PDZRN3: variants seen among roughly 807,000 people sequenced by gnomAD.
The protein encoded by PDZRN3 is E3 ubiquitin-protein ligase PDZRN3.
A neutral mutation model predicts 85.7 loss-of-function variants in PDZRN3; 38 were observed. The observed-to-expected ratio is 0.44, with a 90% CI of 0.34 to 0.58. The LOEUF is 0.58. Among genes scored for constraint, PDZRN3 ranks in the 20% least tolerant of loss-of-function variants. The pLI is 0.01. For synonymous variants in PDZRN3, 759 were observed against 638.0 expected (o/e 1.19, Z -2.86); for missense variants, 1,629 against 1,506.4 (o/e 1.08, Z -1.35).
At chr3:73,408,143 CTTTT>C (rs1468776590) in intron 3 of PDZRN3, 1 of 703,410 alleles carries the variant, frequency 1.4e-6, no homozygotes, top group Non-Finnish European at 2.6e-6. Context: ...TGACCTCCTC[CTTTT>C]TCACAGCTCA....
intron 1 of PDZRN3, among the ~76,000 whole-genome samples, chr3:73,621,079 C>T (rs1702852755): frequency 1.3e-5 from 2 of 152,232 alleles, no homozygotes; most frequent in African/African-American, 4.8e-5. Flanking sequence ...GAATATCAGG[C>T]CCCTGGCCAG....
At chr3:73,525,313 G>A (rs1704496237) in intron 3 of PDZRN3, among the ~76,000 whole-genome samples, 1 of 152,094 alleles carries the variant, frequency 6.6e-6, no homozygotes, top group Admixed American at 6.5e-5. Flanking sequence ...GTATATATAT[G>A]CAGAGGAATG....
chr3:73,444,925 T>C (rs1455156767), intron 3 of PDZRN3, among the ~76,000 whole-genome samples: 2 of 152,188 alleles, frequency 1.3e-5, no homozygotes, highest in African/African-American at 2.4e-5. Context: ...AGCAGGTACA[T>C]GGGCTGTGGT....
rs76769709 is a variant in PDZRN3 at position 73,600,615 on chromosome 3, G to C, written c.918+1739C>G. Among the ~76,000 whole-genome samples the C allele has an allele frequency of 9.2e-3, 1,394 of 152,150 alleles. 9 individuals are homozygous for C. Among genetic ancestry groups the C allele is most frequent in the Non-Finnish European group, 0.014 (984 of 67,998 alleles). On this transcript the variant is annotated intron_variant, in intron 3 of 9. Coordinates refer to ENST00000263666, the MANE Select transcript of PDZRN3 (RefSeq NM_015009.3). ...TCCAAAATAGGAATGTGACTTACCA[G>C]AAACCGTACTCAACATTTCAAATAC...
At chr3:73,394,501 GT>G (rs1374425981) in intron 5 of PDZRN3, among the ~76,000 whole-genome samples, 1 of 152,170 alleles carries the variant, frequency 6.6e-6, no homozygotes, top group African/African-American at 2.4e-5. Flanking sequence ...TCCAGGAGCA[GT>G]TTTCTATCTT....
intron 2 of PDZRN3, 33 bp downstream of exon 2, chr3:73,608,565 A>C: frequency 6.9e-7 from 1 of 1,456,326 alleles, no homozygotes; most frequent in Non-Finnish European, 9.6e-7. Context: ...CTACACCAGG[A>C]AAAGGAAAAA....
rs1346773852 is a variant in PDZRN3, at chr3:73,383,247, A to C, written c.*118T>G. On this transcript the variant is annotated 3_prime_UTR_variant, in exon 10 of 10. Coordinates refer to ENST00000263666, the MANE Select transcript of PDZRN3 (RefSeq NM_015009.3). ...AGAGTTGTAGGGTTTGCAAATTTGG[A>C]CTATAAACATGAAGACCGTACTTAT... is the stretch of plus-strand genomic sequence containing the variant. The C allele has an allele frequency of 6.2e-6, 6 of 965,208 alleles. No individual in the cohort carries two copies. Among genetic ancestry groups the C allele is most frequent in the Non-Finnish European group, 6.2e-6 (4 of 642,050 alleles). 59.8% of individuals were successfully genotyped at this position (965,208 alleles called of 1,614,324 possible). A position where few individuals can be genotyped will look rare whatever the true frequency, so the allele number is the denominator to read the frequency against.
At chr3:73,388,389 TG>T (rs1224219799) in intron 7 of PDZRN3, among the ~76,000 whole-genome samples, 7 of 152,032 alleles carry the variant, frequency 4.6e-5, no homozygotes, top group African/African-American at 1.7e-4. Flanking sequence ...AGAGGGAACA[TG>T]GAAGCAATTA....
intron 2 of PDZRN3, among the ~76,000 whole-genome samples, chr3:73,604,011 T>C (rs1338374846): frequency 6.6e-6 from 1 of 151,954 alleles, no homozygotes; most frequent in Non-Finnish European, 1.5e-5. Context: ...CAAAGATATG[T>C]CTCTAACTGG....
At chr3:73,604,293 T>G (rs1215395687) in intron 2 of PDZRN3, among the ~76,000 whole-genome samples, 3 of 152,238 alleles carry the variant, frequency 2.0e-5, no homozygotes, top group Admixed American at 6.5e-5. Flanking sequence ...CTTCCTTTAC[T>G]GAGCACAAAC....
intron 3 of PDZRN3, among the ~76,000 whole-genome samples, chr3:73,457,573 G>A (rs184605241): frequency 3.9e-5 from 6 of 152,174 alleles, no homozygotes; most frequent in Admixed American, 1.3e-4. Context: ...CCTCTTCCTC[G>A]GTATCTGGCC....
intron 3 of PDZRN3, among the ~76,000 whole-genome samples, chr3:73,540,310 T>C (rs928968840): frequency 6.6e-6 from 1 of 152,142 alleles, no homozygotes; most frequent in Non-Finnish European, 1.5e-5. Flanking sequence ...CATTTACATA[T>C]TCTGTTCAGG....
At chr3:73,620,625 G>A (rs35853691) in intron 1 of PDZRN3, among the ~76,000 whole-genome samples, 90,120 of 149,282 alleles carry the variant, frequency 0.6, 27,243 homozygotes, top group East Asian at 0.7. Flanking sequence ...CACCCAGGCC[G>A]GAGTGCAGTG....
intron 3 of PDZRN3, among the ~76,000 whole-genome samples, chr3:73,559,328 G>A (rs1701768144): frequency 6.6e-6 from 1 of 152,036 alleles, no homozygotes; most frequent in South Asian, 2.1e-4. Flanking sequence ...TTTGTTTCTG[G>A]TGCCATTTTA....
chr3:73,435,890 C>G (rs916442638), intron 3 of PDZRN3, among the ~76,000 whole-genome samples: 2 of 152,182 alleles, frequency 1.3e-5, no homozygotes, highest in African/African-American at 4.8e-5. Flanking sequence ...AAATTCTTCA[C>G]CAGCGCCTAT....
chr3:73,534,122 T>C (rs1018304967), intron 3 of PDZRN3, among the ~76,000 whole-genome samples: 35 of 152,236 alleles, frequency 2.3e-4, no homozygotes, highest in African/African-American at 7.2e-4. Context: ...ATAGGTTTTT[T>C]TGAATAATTA....
At chr3:73,587,061 C>T (rs1490602512) in intron 3 of PDZRN3, among the ~76,000 whole-genome samples, 1 of 152,172 alleles carries the variant, frequency 6.6e-6, no homozygotes, top group Admixed American at 6.5e-5. Context: ...ATCCAACAGA[C>T]CCCAGGGTAC....
intron 1 of PDZRN3, among the ~76,000 whole-genome samples, chr3:73,609,952 T>C (rs894487469): frequency 1.6e-4 from 24 of 152,354 alleles, no homozygotes; most frequent in African/African-American, 5.3e-4. Context: ...CCAGGAGAAC[T>C]GTGCCCAGTA....
At chr3:73,466,675 C>T (rs532245513) in intron 3 of PDZRN3, among the ~76,000 whole-genome samples, 1 of 152,274 alleles carries the variant, frequency 6.6e-6, no homozygotes, top group African/African-American at 2.4e-5. Flanking sequence ...CACGCAGAAA[C>T]TCTAGAATGA....
Sources: gnomAD v4.1 joint callset for allele counts (sites outside exome capture counted in the v4.1 genomes callset) on GRCh38, gnomAD v4.1.1 for gene constraint, MANE v1.5 for transcripts, NCBI Gene and HGNC (gene_info 2026-07-23, HGNC 2026-07-21) for gene names.